Variants in KIAA0825 observed in about 807,000 individuals in gnomAD.
KIAA0825 encodes uncharacterized protein KIAA0825.
In KIAA0825, 119 loss-of-function variants were observed where a neutral mutation model predicts 147.6. The observed-to-expected ratio is 0.81, with a 90% CI of 0.69 to 0.94. KIAA0825 has a LOEUF of 0.94. Ranked by LOEUF, KIAA0825 falls within the 40% of genes least tolerant of loss-of-function variation. The pLI is 0.00. For synonymous variants in KIAA0825, 470 were observed against 518.1 expected (o/e 0.91, Z 1.26); for missense variants, 1,381 against 1,472.7 (o/e 0.94, Z 1.02).
At chr5:94,472,169 T>C (rs1475588409) in intron 8 of KIAA0825, among the ~76,000 whole-genome samples, 28 of 152,220 alleles carry the variant, frequency 1.8e-4, no homozygotes, top group Admixed American at 1.8e-3. Context: ...AAATGCCACA[T>C]ATAAATGTCA....
intron 2 of KIAA0825, among the ~76,000 whole-genome samples, chr5:94,543,249 G>A (rs1271145706): frequency 6.6e-6 from 1 of 152,236 alleles, no homozygotes; most frequent in East Asian, 1.9e-4. Context: ...TTTGAGACCA[G>A]CCTGGCCAAC....
intron 20 of KIAA0825, among the ~76,000 whole-genome samples, chr5:94,263,113 A>C (rs1776579788): frequency 6.6e-6 from 1 of 152,104 alleles, no homozygotes; most frequent in African/African-American, 2.4e-5. Context: ...TAGGTTCTAG[A>C]CCACTAGGTA....
At position 94,498,480 on chromosome 5, in the gene KIAA0825, A is replaced by G. The variant is rs554440806; in HGVS notation, c.971-13550T>C. Reference sequence around the variant, plus strand: ...ATGATTAAAATACAGTTGAAGGCTAAGATCCTGTTGCTCAGGTCTCCAGAA... The same window carrying G: ...ATGATTAAAATACAGTTGAAGGCTAGGATCCTGTTGCTCAGGTCTCCAGAA... On this transcript the variant is annotated intron_variant, in intron 5 of 20. Coordinates refer to ENST00000682413, the MANE Select transcript of KIAA0825 (RefSeq NM_001145678.3). Among the ~76,000 whole-genome samples, 5 of 152,364 alleles carry G rather than the reference A, an allele frequency of 3.3e-5. No individual in the cohort carries two copies. The East Asian group carries it at 9.6e-4, about 29-fold the overall frequency.
intron 20 of KIAA0825, among the ~76,000 whole-genome samples, chr5:94,371,101 A>G (rs528737331): frequency 4.6e-4 from 70 of 152,258 alleles, no homozygotes; most frequent in Admixed American, 7.8e-4. Flanking sequence ...ACCATTTGAA[A>G]TAATATGTGT....
At chr5:94,259,332 ACTTTCAGT>A (rs887155288) in intron 20 of KIAA0825, among the ~76,000 whole-genome samples, 6 of 152,090 alleles carry the variant, frequency 3.9e-5, no homozygotes, top group Non-Finnish European at 8.8e-5. Context: ...CAAGATTCAC[ACTTTCAGT>A]GAATTGAAAA....
intron 1 of KIAA0825, chr5:94,612,015 A>G (rs1325031465): frequency 1.3e-5 from 2 of 152,300 alleles, no homozygotes; most frequent in East Asian, 3.9e-4. Context: ...AAATTTAGAC[A>G]ATAGTGTGTT....
chr5:94,538,341 C>T (rs1390139971), intron 2 of KIAA0825, among the ~76,000 whole-genome samples: 1 of 152,134 alleles, frequency 6.6e-6, no homozygotes, highest in South Asian at 2.1e-4. Flanking sequence ...AGTGCAGAAG[C>T]TATGGGGAAA....
rs547790420 is a variant in KIAA0825 at position 94,435,768 on chromosome 5, A to G, written c.2497+4214T>C. Among the ~76,000 whole-genome samples the G allele has an allele frequency of 6.6e-5, 10 of 151,966 alleles. No individual in the cohort carries two copies. In the East Asian group the frequency reaches 1.9e-3, roughly 30 times the overall value. ...GGAAAATTGCTCCTTTTTCTCCACAACCTTTCCAGCATCTGTTATTTTCTG... is the reference window on the plus strand; with the variant it reads ...GGAAAATTGCTCCTTTTTCTCCACAGCCTTTCCAGCATCTGTTATTTTCTG... On this transcript the variant is annotated intron_variant, in intron 14 of 20. Coordinates refer to ENST00000682413, the MANE Select transcript of KIAA0825 (RefSeq NM_001145678.3).
chr5:94,601,045 G>A (rs1229546513), intron 1 of KIAA0825, among the ~76,000 whole-genome samples: 1 of 152,162 alleles, frequency 6.6e-6, no homozygotes, highest in South Asian at 2.1e-4. Context: ...CTGATGCGGG[G>A]GCAGAAAGAG....
intron 3 of KIAA0825, among the ~76,000 whole-genome samples, chr5:94,531,525 T>G (rs1770804007): frequency 1.3e-5 from 2 of 152,222 alleles, no homozygotes; most frequent in African/African-American, 4.8e-5. Flanking sequence ...ACTGCGCTGC[T>G]GAAGCCCAGG....
intron 20 of KIAA0825, 138 bp downstream of exon 20, chr5:94,384,230 A>C (rs1403833445): frequency 1.6e-6 from 1 of 625,698 alleles, no homozygotes; most frequent in African/African-American, 1.9e-5. Context: ...AGAAAACAAA[A>C]TAGATTCCCC....
At chr5:94,512,486 G>C (rs1476838346) in intron 5 of KIAA0825, among the ~76,000 whole-genome samples, 1 of 151,796 alleles carries the variant, frequency 6.6e-6, no homozygotes, top group Non-Finnish European at 1.5e-5. Flanking sequence ...ATGGGTCCAG[G>C]CACAGTGCCT....
chr5:94,266,721 G>C (rs1776751723), intron 20 of KIAA0825, among the ~76,000 whole-genome samples: 1 of 152,010 alleles, frequency 6.6e-6, no homozygotes, highest in African/African-American at 2.4e-5. Context: ...CTAATTTTTT[G>C]TTTCGGGAAA....
At chr5:94,537,380 G>A (rs549124843) in intron 2 of KIAA0825, among the ~76,000 whole-genome samples, 4 of 152,244 alleles carry the variant, frequency 2.6e-5, no homozygotes, top group African/African-American at 4.8e-5. Flanking sequence ...GGCCGGGCGC[G>A]GTGGCTCACG....
chr5:94,487,845 T>C (rs754768858), intron 5 of KIAA0825, among the ~76,000 whole-genome samples: 38 of 151,924 alleles, frequency 2.5e-4, no homozygotes, highest in Non-Finnish European at 5.1e-4. Context: ...TTCCAGCTAC[T>C]CAGGAGGCTG....
chr5:94,348,639 G>A (rs1347418772), intron 20 of KIAA0825, among the ~76,000 whole-genome samples: 1 of 152,024 alleles, frequency 6.6e-6, no homozygotes, highest in Non-Finnish European at 1.5e-5. Flanking sequence ...TCATGCAAAT[G>A]GACACCAAAA....
intron 20 of KIAA0825, among the ~76,000 whole-genome samples, chr5:94,179,029 A>G (rs1769361187): frequency 6.6e-6 from 1 of 152,148 alleles, no homozygotes; most frequent in African/African-American, 2.4e-5. Flanking sequence ...GACAGAATCA[A>G]ATGGCTACAT....
At chr5:94,296,611 G>A (rs139576837) in intron 20 of KIAA0825, among the ~76,000 whole-genome samples, 25 of 152,266 alleles carry the variant, frequency 1.6e-4, no homozygotes, top group African/African-American at 5.1e-4. Context: ...GGAGTGCACC[G>A]TTCCTCATGG....
Position 94,328,387 on chromosome 5 carries a change from AATT to A in KIAA0825, c.3710+55978_3710+55980del, listed in dbSNP as rs539992495. Among the ~76,000 whole-genome samples the A allele has an allele frequency of 2.2e-3, 341 of 152,222 alleles. 1 individual carries two copies. The highest frequency in any genetic ancestry group is 7.8e-3 in the African/African-American group (324 of 41,568). On this transcript the variant is annotated intron_variant, in intron 20 of 20. Transcript: ENST00000682413. ...TCCTTTGATAGTATTTATAGGCTAAAATTGTAAATATAGATCTTTTAAAATGAT... is the reference window on the plus strand; with the variant it reads ...TCCTTTGATAGTATTTATAGGCTAAAGTAAATATAGATCTTTTAAAATGAT...
Sources: allele counts gnomAD v4.1 joint callset (sites outside exome capture counted in the v4.1 genomes callset), GRCh38; gene constraint gnomAD v4.1.1; transcripts MANE v1.5; gene names NCBI Gene and HGNC (gene_info 2026-07-23, HGNC 2026-07-21).